Variants in ZMAT4 observed in about 807,000 individuals in gnomAD.
ZMAT4 encodes zinc finger matrin-type protein 4.
ZMAT4 carries 17 observed loss-of-function variants against 28.7 expected under a neutral mutation model. The ratio of observed to expected loss-of-function variants is 0.59; its 90% CI spans 0.41 to 0.89. ZMAT4 has a LOEUF of 0.89. ZMAT4 is among the 40% of genes least tolerant of loss of function. ZMAT4 has a pLI of 0.00. For synonymous variants in ZMAT4, 117 were observed against 109.2 expected, an observed-to-expected ratio of 1.07 and a Z score of -0.44; for missense variants, 240 against 283.8, an observed-to-expected ratio of 0.85 and a Z score of 1.11.
At chr8:40,848,286 G>T (rs778294159) in intron 1 of ZMAT4, among the ~76,000 whole-genome samples, 1 of 152,182 alleles carries the variant, frequency 6.6e-6, no homozygotes, top group African/African-American at 2.4e-5. Flanking sequence ...ATCTGCCCTC[G>T]ATGTGGAAGT....
At chr8:40,851,034 A>G (rs746732033) in intron 1 of ZMAT4, among the ~76,000 whole-genome samples, 2 of 152,200 alleles carry the variant, frequency 1.3e-5, no homozygotes, top group Non-Finnish European at 2.9e-5. Context: ...TCTATAAGTT[A>G]ACTATATTTT....
chr8:40,819,744 TG>T (rs531759569), intron 2 of ZMAT4, among the ~76,000 whole-genome samples: 94 of 152,068 alleles, frequency 6.2e-4, no homozygotes, highest in Non-Finnish European at 8.4e-4. Context: ...GCTGGCTTGA[TG>T]GGATCTGCCC....
chr8:40,710,685 A>G lies in ZMAT4; in HGVS notation c.193-13284T>C, dbSNP rs547520526. Among the ~76,000 whole-genome samples, 73 of 152,314 alleles carry G rather than the reference A, an allele frequency of 4.8e-4. 1 individual carries two copies. Among genetic ancestry groups the G allele is most frequent in the African/African-American group, 1.4e-3 (57 of 41,588 alleles). On this transcript the variant is annotated intron_variant, in intron 3 of 6. Coordinates refer to ENST00000297737, the MANE Select transcript of ZMAT4 (RefSeq NM_024645.3). ...ATCCTGGAATATCTTGCCATGCTAG[A>G]CAACAAGAAAGCTAGGAATGACTAC...
chr8:40,563,922 T>C (rs1004189212), intron 6 of ZMAT4, among the ~76,000 whole-genome samples: 1 of 152,088 alleles, frequency 6.6e-6, no homozygotes, highest in African/African-American at 2.4e-5. Flanking sequence ...TTGCTCCCCA[T>C]GGCAGGTCTC....
chr8:40,867,268 A>T (rs1189350975), intron 1 of ZMAT4, among the ~76,000 whole-genome samples: 3 of 152,172 alleles, frequency 2.0e-5, no homozygotes, highest in African/African-American at 7.2e-5. Context: ...AAATATATAT[A>T]TATCATAATA....
At chr8:40,829,910 G>A (rs1035566541) in intron 1 of ZMAT4, among the ~76,000 whole-genome samples, 1 of 152,022 alleles carries the variant, frequency 6.6e-6, no homozygotes, top group African/African-American at 2.4e-5. Flanking sequence ...GGGCATAGGT[G>A]GGGTTAATTT....
chr8:40,587,806 A>G (rs1466383681), intron 5 of ZMAT4, among the ~76,000 whole-genome samples: 1 of 152,220 alleles, frequency 6.6e-6, no homozygotes. Context: ...TTAAATAGTC[A>G]AAAGGCCAAA....
At chr8:40,738,116 G>C (rs1245876674) in intron 3 of ZMAT4, among the ~76,000 whole-genome samples, 4 of 152,208 alleles carry the variant, frequency 2.6e-5, no homozygotes, top group Non-Finnish European at 5.9e-5. Flanking sequence ...AGGAGTTGGA[G>C]AATTAGACGA....
intron 5 of ZMAT4, among the ~76,000 whole-genome samples, chr8:40,596,539 A>G (rs1435972468): frequency 2.0e-5 from 3 of 152,154 alleles, no homozygotes; most frequent in Non-Finnish European, 4.4e-5. Context: ...ATAAACACGC[A>G]CATCAGCCTC....
intron 4 of ZMAT4, among the ~76,000 whole-genome samples, chr8:40,677,724 A>G (rs1808970564): frequency 6.6e-6 from 1 of 152,204 alleles, no homozygotes; most frequent in Non-Finnish European, 1.5e-5. Flanking sequence ...TATTATTCCA[A>G]TAAAATGAAT....
chr8:40,764,101 G>A (rs1025758511), intron 3 of ZMAT4, among the ~76,000 whole-genome samples: 1 of 152,076 alleles, frequency 6.6e-6, no homozygotes, highest in African/African-American at 2.4e-5. Context: ...ATAATAAAAG[G>A]GTGAAAAACG....
intron 6 of ZMAT4, among the ~76,000 whole-genome samples, chr8:40,547,533 T>C (rs529414838): frequency 6.6e-6 from 1 of 151,720 alleles, no homozygotes; most frequent in Admixed American, 6.5e-5. Flanking sequence ...GGCAAATTAC[T>C]TAAGCTTTCT....
In ZMAT4 at chr8:40,697,232, T is replaced by A. The variant is rs1379798360; in HGVS notation, c.349+13A>T. 1 of 1,595,550 alleles carries A rather than the reference T, an allele frequency of 6.3e-7. No individual in the cohort carries two copies. Among genetic ancestry groups the A allele is most frequent in the Non-Finnish European group, 8.5e-7 (1 of 1,170,356 alleles). ...TTTCAGGGTCTCCCCACGATCACTG[T>A]TCCTGCACGTACCTGTGGTCTTTAA... On this transcript the variant is annotated intron_variant, in intron 4 of 6. Transcript: ENST00000297737.
At chr8:40,794,364 A>G (rs1415757569) in intron 2 of ZMAT4, among the ~76,000 whole-genome samples, 2 of 152,140 alleles carry the variant, frequency 1.3e-5, no homozygotes, top group Non-Finnish European at 2.9e-5. Flanking sequence ...ATATAGCACT[A>G]TGTGTCTTGG....
At chr8:40,579,944 T>A (rs919461680) in intron 6 of ZMAT4, among the ~76,000 whole-genome samples, 1 of 151,400 alleles carries the variant, frequency 6.6e-6, no homozygotes, top group African/African-American at 2.4e-5. Context: ...TAGAGAACAA[T>A]CTATGGGTTT....
chr8:40,604,891 A>G (rs1398486671), intron 5 of ZMAT4, among the ~76,000 whole-genome samples: 2 of 152,228 alleles, frequency 1.3e-5, no homozygotes, highest in East Asian at 3.9e-4. Context: ...TTACCACTTC[A>G]GGCTCACTGC....
At chr8:40,597,746 T>C (rs1009157174) in intron 5 of ZMAT4, among the ~76,000 whole-genome samples, 1 of 152,222 alleles carries the variant, frequency 6.6e-6, no homozygotes, top group African/African-American at 2.4e-5. Flanking sequence ...CAAAAAATGT[T>C]TTCATGGATG....
At chr8:40,583,630 C>T (rs893106260) in intron 5 of ZMAT4, among the ~76,000 whole-genome samples, 2 of 152,146 alleles carry the variant, frequency 1.3e-5, no homozygotes, top group African/African-American at 2.4e-5. Flanking sequence ...AATTTAAGCA[C>T]GCATCTCTGA....
At chr8:40,573,138 T>C (rs1265761442) in intron 6 of ZMAT4, among the ~76,000 whole-genome samples, 1 of 152,206 alleles carries the variant, frequency 6.6e-6, no homozygotes, top group Non-Finnish European at 1.5e-5. Context: ...CAGTTATCCA[T>C]GGTGGCATCA....
Sources: allele counts gnomAD v4.1 joint callset (sites outside exome capture counted in the v4.1 genomes callset), GRCh38; gene constraint gnomAD v4.1.1; transcripts MANE v1.5; gene names NCBI Gene and HGNC (gene_info 2026-07-23, HGNC 2026-07-21).